The following SMIM7 variants were observed in gnomAD, a reference collection of about 807,000 sequenced individuals.
SMIM7 encodes small integral membrane protein 7.
A neutral mutation model predicts 13.3 loss-of-function variants in SMIM7; 12 were observed. That is an observed-to-expected ratio of 0.90 (90% CI 0.58 to 1.46). SMIM7 has a LOEUF of 1.46. SMIM7 is among the 40% of genes most tolerant of loss of function. SMIM7 has a pLI of 0.00. For synonymous variants in SMIM7, 36 were observed against 35.8 expected, an observed-to-expected ratio of 1.01 and a Z score of -0.02; for missense variants, 114 against 94.8, an observed-to-expected ratio of 1.20 and a Z score of -0.84.
chr19:16,647,910 A>C (rs1373229493), intron 4 of SMIM7, among the ~76,000 whole-genome samples: 1 of 152,214 alleles, frequency 6.6e-6, no homozygotes. Flanking sequence ...AAACAGCTGG[A>C]TTTCCACATG....
rs869256040 is a variant in SMIM7 at position 16,655,680 on chromosome 19, C to CAAAAAA, written c.122-1561_122-1556dup. On this transcript the variant is annotated intron_variant, in intron 3 of 4. Coordinates refer to ENST00000487416, the MANE Select transcript of SMIM7 (RefSeq NM_024104.4). ...TGGGTGACACAGCAAGACTCCATCT[C>CAAAAAA]AAAAAAAAAAAAAAAAAAAAAAAAA... is the stretch of plus-strand genomic sequence containing the variant. 2.5e-3 allele frequency among the ~76,000 whole-genome samples: 96 copies of CAAAAAA among 38,430 alleles called. 3 individuals carry two copies. Among genetic ancestry groups the CAAAAAA allele is most frequent in the African/African-American group, 5.1e-3 (54 of 10,538 alleles). 25.2% of individuals were successfully genotyped at this position (38,430 alleles called of 152,430 possible).
At position 16,647,129 on chromosome 19, in the gene SMIM7, G is replaced by T; in HGVS notation, c.*117C>A. 1 of 1,379,468 alleles carries T rather than the reference G, an allele frequency of 7.2e-7. No individual in the cohort carries two copies. The highest frequency in any genetic ancestry group is 1.0e-6 in the Non-Finnish European group (1 of 975,842). 85.5% of individuals were successfully genotyped at this position (1,379,468 alleles called of 1,614,324 possible). On this transcript the variant is annotated 3_prime_UTR_variant, in exon 5 of 5. Coordinates refer to ENST00000487416, the MANE Select transcript of SMIM7 (RefSeq NM_024104.4). ...ACACTTTTCCACCCACCACGAGCTTGGACTTTCTGGGAAGGTTGTCGGTTT... is the reference window on the plus strand; with the variant it reads ...ACACTTTTCCACCCACCACGAGCTTTGACTTTCTGGGAAGGTTGTCGGTTT...
chr19:16,647,065 A>G lies in SMIM7; in HGVS notation c.*181T>C. ...AGACCAAAGTGAAACTATCTTTGAAAACAGGGACGTGGCTGGGAAACCATG... is the reference window on the plus strand; with the variant it reads ...AGACCAAAGTGAAACTATCTTTGAAGACAGGGACGTGGCTGGGAAACCATG... On this transcript the variant is annotated 3_prime_UTR_variant, in exon 5 of 5. Transcript: ENST00000487416. 1.4e-6 allele frequency: 1 copy of G among 710,206 alleles called. No individual in the cohort carries two copies. 44.0% of individuals were successfully genotyped at this position (710,206 alleles called of 1,614,324 possible).
chr19:16,646,119 A>T (rs1200302052), downstream of SMIM7: 1 of 138,398 alleles, frequency 7.2e-6, no homozygotes, highest in Non-Finnish European at 1.6e-5. Context: ...CTTCTTGGTT[A>T]AAAAAAAAAA....
chr19:16,647,249 A>G lies in SMIM7; in HGVS notation c.225T>C (p.Ser75=), dbSNP rs1343108963. ...TTCCTGGTTTCATCGCTGGGATTCA[A>G]GAGCCGAACAGCCTGGAGAAGTCAG... ...MMFCMIVLFG[S] The change falls in exon 5 of 5, where the codon TCT becomes TCC. Residue 75 remains serine (S), a synonymous_variant. Transcript: ENST00000487416. 6.2e-7 allele frequency: 1 copy of G among 1,614,072 alleles called. No individual in the cohort carries two copies. The highest frequency in any genetic ancestry group is 1.7e-5 in the Admixed American group (1 of 60,010).
chr19:16,638,210 T>A (rs958134439), intron 4 of SMIM7, among the ~76,000 whole-genome samples: 1 of 151,658 alleles, frequency 6.6e-6, no homozygotes, highest in African/African-American at 2.4e-5. Flanking sequence ...GAGGTTGCAG[T>A]AAGCTGGGAT....
At chr19:16,659,604 C>G (rs2086645461) in intron 2 of SMIM7, 157 bp from the exon 3 acceptor site, 1 of 748,630 alleles carries the variant, frequency 1.3e-6, no homozygotes, top group Admixed American at 2.3e-5. Flanking sequence ...TCTCTGGGCC[C>G]CCACTGCCCG....
chr19:16,652,837 C>T lies in SMIM7; in HGVS notation c.212+1198G>A, dbSNP rs1352945214. Reference sequence around the variant, plus strand: ...GATGGACCCACAGAGGCCAAGAACACCAGATTCTCCCGTCGTGTCTTTTCC... The same window carrying T: ...GATGGACCCACAGAGGCCAAGAACATCAGATTCTCCCGTCGTGTCTTTTCC... On this transcript the variant is annotated intron_variant, in intron 4 of 4. Transcript: ENST00000487416. 6 of 1,549,770 alleles carry T rather than the reference C, an allele frequency of 3.9e-6. No individual in the cohort carries two copies. The South Asian group carries it at 4.8e-5, about 12-fold the overall frequency.
intron 4 of SMIM7, chr19:16,635,022 G>C (rs2122487668): frequency 6.6e-6 from 1 of 152,076 alleles, no homozygotes; most frequent in Admixed American, 6.6e-5. Flanking sequence ...CCTCAAAGGA[G>C]TGACCCAGCC....
intron 4 of SMIM7, among the ~76,000 whole-genome samples, chr19:16,649,546 C>T (rs2086492519): frequency 6.6e-6 from 1 of 152,104 alleles, no homozygotes; most frequent in African/African-American, 2.4e-5. Flanking sequence ...GCACTCCAGC[C>T]TTGGCAACAG....
At chr19:16,658,554 T>C (rs1354383179) in intron 3 of SMIM7, among the ~76,000 whole-genome samples, 1 of 152,168 alleles carries the variant, frequency 6.6e-6, no homozygotes, top group Non-Finnish European at 1.5e-5. Flanking sequence ...CTACACTCAA[T>C]AGATGCAAAC....
chr19:16,659,679 G>A (rs1290915718), intron 2 of SMIM7: 1 of 651,332 alleles, frequency 1.5e-6, no homozygotes, highest in African/African-American at 1.8e-5. Flanking sequence ...GCGGGTGCAG[G>A]GCGGAAGGTC....
At chr19:16,635,104 A>G (rs10423599) in intron 4 of SMIM7, 63,365 of 151,662 alleles carry the variant, frequency 0.42, 14,985 homozygotes, top group African/African-American at 0.65. Context: ...GCTCATGCCT[A>G]TAATCCTAGC....
At chr19:16,650,244 G>A (rs2086506254) in intron 4 of SMIM7, among the ~76,000 whole-genome samples, 1 of 152,124 alleles carries the variant, frequency 6.6e-6, no homozygotes, top group Admixed American at 6.6e-5. Flanking sequence ...TTAACACTTT[G>A]CTGTACCACA....
intron 4 of SMIM7, among the ~76,000 whole-genome samples, chr19:16,638,355 G>A (rs538268958): frequency 6.8e-6 from 1 of 147,250 alleles, no homozygotes; most frequent in African/African-American, 2.5e-5. Flanking sequence ...ACAGGCTGGA[G>A]TGCAATGGCA....
intron 4 of SMIM7, among the ~76,000 whole-genome samples, chr19:16,635,937 A>C (rs1197647688): frequency 1.4e-5 from 2 of 147,902 alleles, no homozygotes; most frequent in South Asian, 2.1e-4. Context: ...TGTATACACA[A>C]TTTGACCCTG....
downstream of SMIM7, chr19:16,644,808 G>C (rs978955105): frequency 6.6e-6 from 1 of 152,206 alleles, no homozygotes; most frequent in Non-Finnish European, 1.5e-5. Context: ...TGAGAAGACA[G>C]AAAACACACA....
At chr19:16,644,865 A>G (rs944420937), downstream of SMIM7, 9 of 152,222 alleles carry the variant, frequency 5.9e-5, no homozygotes, top group African/African-American at 2.2e-4. Flanking sequence ...ACTCAGCCGC[A>G]TTCGAGTTCA....
intron 4 of SMIM7, among the ~76,000 whole-genome samples, chr19:16,638,238 G>A (rs1702183164): frequency 6.6e-6 from 1 of 151,824 alleles, no homozygotes. Context: ...CTGCACTCCA[G>A]CCTGGATGAC....
Sources: allele counts gnomAD v4.1 joint callset (sites outside exome capture counted in the v4.1 genomes callset), GRCh38; gene constraint gnomAD v4.1.1; transcripts MANE v1.5; gene names NCBI Gene and HGNC (gene_info 2026-07-23, HGNC 2026-07-21).